Variants in CEP170B observed in about 807,000 individuals in gnomAD.
CEP170B encodes the protein centrosomal protein of 170 kDa protein B.
CEP170B carries 55 observed loss-of-function variants against 120.6 expected under a neutral mutation model. The ratio of observed to expected loss-of-function variants is 0.46; its 90% CI spans 0.37 to 0.57. The LOEUF is 0.57. Among genes scored for constraint, CEP170B ranks in the 20% least tolerant of loss-of-function variants. The pLI, the probability that CEP170B is intolerant of heterozygous loss-of-function variation, is 0.00. For synonymous variants in CEP170B, 1,033 were observed against 954.5 expected (o/e 1.08, Z -1.52); for missense variants, 2,212 against 2,253.3 (o/e 0.98, Z 0.37).
chr14:104,886,736 C>T lies in CEP170B; in HGVS notation c.2497C>T (p.Arg833Trp), dbSNP rs754879041. 15 of 1,607,410 alleles carry T rather than the reference C, an allele frequency of 9.3e-6. No individual in the cohort carries two copies. Among genetic ancestry groups the T allele is most frequent in the African/African-American group, 8.0e-5 (6 of 74,844 alleles). Residue 833 changes from arginine (R) to tryptophan (W), a missense_variant, in exon 12 of 19, where the codon CGG becomes TGG. Physicochemically the swap from Arg to Trp is moderately radical, Grantham distance 101. This residue lies in a region of CEP170B where 2,166 missense variants were observed against 2,166.7 expected (regional missense o/e 1.00). Coordinates refer to ENST00000414716, the MANE Select transcript of CEP170B (RefSeq NM_001112726.3). ...GACAGCCCAGCCCAGCCCCCCAGCA[C>T]GGGATGGCGTCTATGTCAGTGCCAA... ...GQTAQPSPPA[R>W]DGVYVSANGR...
intron 13 of CEP170B, among the ~76,000 whole-genome samples, chr14:104,892,584 G>A (rs1019873555): frequency 4.6e-5 from 7 of 152,060 alleles, no homozygotes; most frequent in Non-Finnish European, 8.8e-5. Flanking sequence ...CTGGGCACCC[G>A]TGGCACCCAC....
chr14:104,878,113 T>A (rs546363250), intron 4 of CEP170B, 150 bp downstream of exon 4: 27 of 683,034 alleles, frequency 4.0e-5, no homozygotes, highest in South Asian at 3.3e-4. Context: ...CTCCACCTGC[T>A]GATGGAGCAC....
In CEP170B at chr14:104,883,056, A is replaced by T; in HGVS notation, c.599A>T (p.Gln200Leu). The change falls in exon 8 of 19, where the codon CAG becomes CTG. Residue 200 changes from glutamine to leucine, a missense_variant. Transcript: ENST00000414716. ...PYPERPKGPV[Q>L]QDGELHGFRA... is the part of the protein sequence containing the mutation. ...CCAGAGCGCCCCAAGGGACCAGTGC[A>T]GCAGGACGGGGAGCTCCACGGCTTC... is the stretch of plus-strand genomic sequence containing the variant. 1.9e-6 allele frequency: 3 copies of T among 1,541,688 alleles called. No individual in the cohort carries two copies. The highest frequency in any genetic ancestry group is 2.6e-6 in the Non-Finnish European group (3 of 1,146,528).
At position 104,896,451 on chromosome 14, in the gene CEP170B, A is replaced by T. The variant is rs1035312196; in HGVS notation, c.*1493A>T. On this transcript the variant is annotated 3_prime_UTR_variant, in exon 19 of 19. Coordinates refer to ENST00000414716, the MANE Select transcript of CEP170B (RefSeq NM_001112726.3). ...CCACCCCTGCATGCCCCAGTTGCCC[A>T]CCCCGCCTGCCCCTGGACATGAAGT... is the stretch of plus-strand genomic sequence containing the variant. The T allele has an allele frequency of 2.7e-6, 1 of 363,834 alleles. No homozygotes were observed. The highest frequency in any genetic ancestry group is 5.5e-6 in the Non-Finnish European group (1 of 181,236). The allele number at this position is 363,834 out of a possible 1,614,324, so 22.5% of individuals were successfully genotyped here.
Position 104,895,007 on chromosome 14 carries a change from T to C in CEP170B, c.*49T>C. 1 of 1,462,164 alleles carries C rather than the reference T, an allele frequency of 6.8e-7. No homozygotes were observed. Among genetic ancestry groups the C allele is most frequent in the Non-Finnish European group, 9.1e-7 (1 of 1,100,276 alleles). The allele number at this position is 1,462,164 out of a possible 1,614,324, so 90.6% of individuals were successfully genotyped here. Reference sequence around the variant, plus strand: ...CTCCCTGTGCGTGTGCGTCTCTGCCTTCCGTCCGCCGCACACCCGCCTGCC... The same window carrying C: ...CTCCCTGTGCGTGTGCGTCTCTGCCCTCCGTCCGCCGCACACCCGCCTGCC... On this transcript the variant is annotated 3_prime_UTR_variant, in exon 19 of 19. Transcript: ENST00000414716.
chr14:104,872,970 A>G (rs539703952), intron 2 of CEP170B, among the ~76,000 whole-genome samples: 2 of 152,322 alleles, frequency 1.3e-5, no homozygotes, highest in South Asian at 4.1e-4. Context: ...TTCTGCACCG[A>G]GTTCCGTCCA....
Position 104,882,809 on chromosome 14 carries a change from A to G in CEP170B, c.554A>G (p.Gln185Arg). The change falls in exon 7 of 19, where the codon CAG becomes CGG. Residue 185 changes from glutamine to arginine, a missense_variant. Gln to Arg is a conservative substitution (Grantham distance 43). This residue lies in a region of CEP170B where 2,166 missense variants were observed against 2,166.7 expected (regional missense o/e 1.00). Transcript: ENST00000414716. The part of the protein sequence containing the change: ...EDDGSTLPDA[Q>R]RQGEPYPERP... ...GATGGTAGCACGCTGCCTGACGCCC[A>G]GCGCCAGGGAGAGCCCTACCCAGGT... 1 of 1,612,070 alleles carries G rather than the reference A, an allele frequency of 6.2e-7. No individual in the cohort carries two copies. The highest frequency in any genetic ancestry group is 1.7e-5 in the Admixed American group (1 of 59,974).
At chr14:104,872,596 G>C (rs777608730) in intron 2 of CEP170B, among the ~76,000 whole-genome samples, 1 of 152,120 alleles carries the variant, frequency 6.6e-6, no homozygotes, top group Non-Finnish European at 1.5e-5. Context: ...CTGTGGGGAG[G>C]TGTCCTCCGT....
chr14:104,869,935 C>A (rs1176809593), intron 2 of CEP170B, among the ~76,000 whole-genome samples: 2 of 152,238 alleles, frequency 1.3e-5, no homozygotes, highest in East Asian at 1.9e-4. Context: ...TCTCCCCAGG[C>A]GTCCTCTGAT....
In CEP170B at chr14:104,885,400, C is replaced by T. The variant is rs1437838987; in HGVS notation, c.1802C>T (p.Ser601Phe). ...VFGVLESPEL[S>F]RASSATFRPV... Reference sequence around the variant, plus strand: ...GGGGTGTTGGAGTCCCCTGAACTCTCCAGGGCATCTTCGGCCACCTTTCGC... The same window carrying T: ...GGGGTGTTGGAGTCCCCTGAACTCTTCAGGGCATCTTCGGCCACCTTTCGC... The change falls in exon 10 of 19, where the codon TCC (serine) becomes TTC (phenylalanine). Residue 601 changes from serine to phenylalanine, a missense_variant. By Grantham distance (155) the Ser-to-Phe change is radical. Around this residue, in one of 2 missense-constraint regions of CEP170B, gnomAD observed 2,166 missense variants for 2,166.7 expected, o/e 1.00. Coordinates refer to ENST00000414716, the MANE Select transcript of CEP170B (RefSeq NM_001112726.3). 1.3e-6 allele frequency: 2 copies of T among 1,570,930 alleles called. No individual in the cohort carries two copies. The highest frequency in any genetic ancestry group is 1.9e-5 in the Admixed American group (1 of 53,830).
At chr14:104,893,435 C>A in intron 14 of CEP170B, 88 bp from the exon 15 acceptor site, 1 of 1,475,020 alleles carries the variant, frequency 6.8e-7, no homozygotes, top group Non-Finnish European at 9.2e-7. Context: ...GTGCTCTGTC[C>A]ACCTGCCGGG....
intron 1 of CEP170B, among the ~76,000 whole-genome samples, chr14:104,866,770 T>C: frequency 6.6e-6 from 1 of 152,118 alleles, no homozygotes; most frequent in South Asian, 2.1e-4. Context: ...GCTGAAGACC[T>C]TGGGCGTGGG....
chr14:104,890,566 G>GTGGGTGGGTGGA lies in CEP170B; in HGVS notation c.3878+811_3878+812insGTGGGTGGATGG, dbSNP rs1555394102. On this transcript the variant is annotated intron_variant, in intron 13 of 18. Coordinates refer to ENST00000414716, the MANE Select transcript of CEP170B (RefSeq NM_001112726.3). Reference sequence around the variant, plus strand: ...GATGGGTGAGTAGGTGGGTGGGTGGGTGGATGGATGGATGGATGGATGGGT... The same window carrying GTGGGTGGGTGGA: ...GATGGGTGAGTAGGTGGGTGGGTGGGTGGGTGGGTGGATGGATGGATGGATGGATGGATGGGT... Among the ~76,000 whole-genome samples, 59 of 78,138 alleles carry GTGGGTGGGTGGA rather than the reference G, an allele frequency of 7.6e-4. 1 individual carries two copies. Among genetic ancestry groups the GTGGGTGGGTGGA allele is most frequent in the African/African-American group, 3.1e-3 (55 of 17,878 alleles). The allele number at this position is 78,138 out of a possible 152,430, so 51.3% of individuals were successfully genotyped here.
rs534181005 is a variant in CEP170B, at chr14:104,878,008, C to G, written c.274+45C>G. ...CCCTCCTCCTGGGCTTCTTCTCAGT[C>G]CCCAGGACCACAGTCACCCTGTTAC... On this transcript the variant is annotated intron_variant, in intron 4 of 18. Coordinates refer to ENST00000414716, the MANE Select transcript of CEP170B (RefSeq NM_001112726.3). 13 of 1,471,164 alleles carry G rather than the reference C, an allele frequency of 8.8e-6. No individual in the cohort carries two copies. In the South Asian group the frequency reaches 1.4e-4, roughly 16 times the overall value. The allele number at this position is 1,471,164 out of a possible 1,614,324, so 91.1% of individuals were successfully genotyped here. A position where few individuals can be genotyped will look rare whatever the true frequency, so the allele number is the denominator to read the frequency against.
intron 6 of CEP170B, among the ~76,000 whole-genome samples, chr14:104,882,349 G>A (rs932065545): frequency 2.0e-5 from 3 of 152,134 alleles, no homozygotes; most frequent in Non-Finnish European, 2.9e-5. Context: ...TGTTGGATGC[G>A]CTCTGGGGTC....
At chr14:104,872,156 G>A (rs1055938204) in intron 2 of CEP170B, among the ~76,000 whole-genome samples, 10 of 146,684 alleles carry the variant, frequency 6.8e-5, no homozygotes, top group East Asian at 2.1e-4. Flanking sequence ...GTGTGTGTGC[G>A]TGTGTGCCGC....
chr14:104,889,668 C>A lies in CEP170B; in HGVS notation c.3788C>A (p.Ala1263Asp). ...AGCTCCAGCCGGGCTCGTTCCCGGGCCCCCGGCCCCCGGGACACGGACGAC... is the reference window on the plus strand; with the variant it reads ...AGCTCCAGCCGGGCTCGTTCCCGGGACCCCGGCCCCCGGGACACGGACGAC... ...AGSSSRARSR[A>D]PGPRDTDDDE... is the part of the protein sequence containing the mutation. The change falls in exon 13 of 19, where the codon GCC becomes GAC. Residue 1263 changes from alanine to aspartate, a missense_variant. This residue lies in a region of CEP170B where 2,166 missense variants were observed against 2,166.7 expected (regional missense o/e 1.00). Coordinates refer to ENST00000414716, the MANE Select transcript of CEP170B (RefSeq NM_001112726.3). The A allele has an allele frequency of 6.2e-7, 1 of 1,611,262 alleles. No individual in the cohort carries two copies. The highest frequency in any genetic ancestry group is 8.5e-7 in the Non-Finnish European group (1 of 1,179,364).
At chr14:104,871,631 G>A (rs1390890642) in intron 2 of CEP170B, among the ~76,000 whole-genome samples, 2 of 152,142 alleles carry the variant, frequency 1.3e-5, no homozygotes, top group East Asian at 3.8e-4. Context: ...GGTGTCCAGG[G>A]TCCAGTCCTG....
chr14:104,893,127 C>G lies in CEP170B; in HGVS notation c.4030C>G (p.Arg1344Gly), dbSNP rs749210632. The G allele has an allele frequency of 1.5e-5, 24 of 1,608,530 alleles. No homozygotes were observed. The East Asian group carries it at 2.9e-4, about 19-fold the overall frequency. Residue 1344 changes from arginine (R) to glycine (G), a missense_variant, in exon 14 of 19, where the codon CGG (arginine) becomes GGG (glycine). Coordinates refer to ENST00000414716, the MANE Select transcript of CEP170B (RefSeq NM_001112726.3). ...PSTPASTISA[R>G]EELVQRIPEA... ...CACCCCCGCCTCGACCATCTCTGCC[C>G]GGGAGGAGGTGAGCCCCAGGCTTTC... is the stretch of plus-strand genomic sequence containing the variant.
Sources: allele counts gnomAD v4.1 joint callset (sites outside exome capture counted in the v4.1 genomes callset), GRCh38; gene constraint gnomAD v4.1.1; regional missense constraint gnomAD v4.1.1; transcripts MANE v1.5; gene names NCBI Gene and HGNC (gene_info 2026-07-23, HGNC 2026-07-21).